Variants in TNR observed in about 807,000 individuals in gnomAD.
TNR encodes tenascin-R.
TNR carries 45 observed loss-of-function variants against 150.4 expected under a neutral mutation model. The observed-to-expected ratio is 0.30, with a 90% confidence interval of 0.24 to 0.38. The LOEUF is 0.38. TNR is among the 10% of genes least tolerant of loss of function. The probability of loss-of-function intolerance (pLI) is 1.00; values close to 1 mark genes in which losing one functional copy is unlikely to be tolerated. For synonymous variants in TNR, 687 were observed against 678.4 expected, an observed-to-expected ratio of 1.01 and a Z score of -0.20; for missense variants, 1,544 against 1,759.1, an observed-to-expected ratio of 0.88 and a Z score of 2.19.
chr1:175,600,627 C>T (rs1223285810), intron 1 of TNR, among the ~76,000 whole-genome samples: 1 of 152,180 alleles, frequency 6.6e-6, no homozygotes, highest in Non-Finnish European at 1.5e-5. Flanking sequence ...CACAAAGGTG[C>T]CCAGCTGAGG....
chr1:175,534,875 G>A (rs1660208353), intron 1 of TNR, among the ~76,000 whole-genome samples: 2 of 152,192 alleles, frequency 1.3e-5, no homozygotes, highest in Non-Finnish European at 2.9e-5. Context: ...CTCCATGGCT[G>A]CTGTTCTCAT....
chr1:175,735,207 C>T (rs1337102861), intron 1 of TNR, among the ~76,000 whole-genome samples: 1 of 152,196 alleles, frequency 6.6e-6, no homozygotes, highest in African/African-American at 2.4e-5. Context: ...TCTCTCCTCC[C>T]AGCACCTGGA....
At chr1:175,460,161 T>C (rs1356904795) in intron 2 of TNR, among the ~76,000 whole-genome samples, 3 of 151,940 alleles carry the variant, frequency 2.0e-5, no homozygotes, top group African/African-American at 7.3e-5. Flanking sequence ...TCAGTGAAGG[T>C]GTGAGAGGGG....
chr1:175,475,156 C>G (rs1229262462), intron 2 of TNR, among the ~76,000 whole-genome samples: 2 of 152,174 alleles, frequency 1.3e-5, no homozygotes, highest in Non-Finnish European at 2.9e-5. Context: ...CCTGACTCCT[C>G]CCTTCCCTCT....
At chr1:175,474,303 G>T (rs1442829164) in intron 2 of TNR, among the ~76,000 whole-genome samples, 1 of 152,078 alleles carries the variant, frequency 6.6e-6, no homozygotes, top group African/African-American at 2.4e-5. Context: ...AGGCCATTAG[G>T]GTGGGCCCTA....
chr1:175,353,507 T>G (rs918455188), intron 18 of TNR, among the ~76,000 whole-genome samples: 1 of 152,212 alleles, frequency 6.6e-6, no homozygotes, highest in African/African-American at 2.4e-5. Context: ...ACAGCTGCAT[T>G]TAGAAGTAGA....
At chr1:175,549,673 A>T (rs1292335000) in intron 1 of TNR, among the ~76,000 whole-genome samples, 1 of 152,234 alleles carries the variant, frequency 6.6e-6, no homozygotes, top group Non-Finnish European at 1.5e-5. Context: ...TGAAAGAAAT[A>T]CAATGCAAGA....
At chr1:175,619,294 T>A (rs1663883748) in intron 1 of TNR, among the ~76,000 whole-genome samples, 1 of 152,160 alleles carries the variant, frequency 6.6e-6, no homozygotes, top group Admixed American at 6.5e-5. Context: ...AAAAGGAACA[T>A]CTAGTATTTA....
At chr1:175,374,620 G>T (rs745702348) in intron 9 of TNR, among the ~76,000 whole-genome samples, 3 of 152,226 alleles carry the variant, frequency 2.0e-5, no homozygotes, top group Non-Finnish European at 2.9e-5. Context: ...GCAGTCCTAT[G>T]TTGTATCACA....
chr1:175,461,282 T>C (rs1401698969), intron 2 of TNR, among the ~76,000 whole-genome samples: 3 of 152,196 alleles, frequency 2.0e-5, no homozygotes, highest in Admixed American at 1.3e-4. Flanking sequence ...TTACTGGGAC[T>C]AAGATTTATA....
At chr1:175,396,500 T>C in intron 5 of TNR, 44 bp downstream of exon 5, 1 of 1,593,496 alleles carries the variant, frequency 6.3e-7, no homozygotes, top group Non-Finnish European at 8.6e-7. Context: ...TGATCTCATG[T>C]AGGAGAAAAG....
intron 2 of TNR, among the ~76,000 whole-genome samples, chr1:175,492,280 T>G (rs1226123677): frequency 1.3e-5 from 2 of 152,254 alleles, no homozygotes; most frequent in Admixed American, 1.3e-4. Flanking sequence ...AGTGATCAGA[T>G]TGCATGTCTC....
chr1:175,479,793 C>G (rs562229603), intron 2 of TNR, among the ~76,000 whole-genome samples: 1 of 152,008 alleles, frequency 6.6e-6, no homozygotes, highest in African/African-American at 2.4e-5. Flanking sequence ...TAGGTTCCTT[C>G]GAAAAACCTC....
intron 20 of TNR, among the ~76,000 whole-genome samples, chr1:175,332,086 G>C (rs1649965690): frequency 6.6e-6 from 1 of 152,178 alleles, no homozygotes; most frequent in Non-Finnish European, 1.5e-5. Flanking sequence ...CATCCCCCAG[G>C]CTGCTACAAG....
At chr1:175,632,678 C>T (rs1316061178) in intron 1 of TNR, among the ~76,000 whole-genome samples, 3 of 152,174 alleles carry the variant, frequency 2.0e-5, no homozygotes, top group Non-Finnish European at 4.4e-5. Context: ...ACCTATTTAG[C>T]ACTGTGTACC....
chr1:175,461,956 G>A (rs1445332653), intron 2 of TNR, among the ~76,000 whole-genome samples: 11 of 152,140 alleles, frequency 7.2e-5, no homozygotes, highest in Admixed American at 7.2e-4. Flanking sequence ...CGACCTTGGC[G>A]AACTACTTTC....
Position 175,403,430 on chromosome 1 carries a change from T to C in TNR, c.686A>G (p.Asp229Gly). ...CICDSEYSGD[D>G]CSELRCPTDC... ...TGTTGGGCACCGGAGTTCGGAACAG[T>C]CATCCCCGCTGTACTCGCTGTCACA... The change falls in exon 4 of 23, where the codon GAC (aspartate) becomes GGC (glycine). Residue 229 changes from aspartate (D) to glycine (G), a missense_variant. Coordinates refer to ENST00000367674, the MANE Select transcript of TNR (RefSeq NM_003285.3). 6.2e-7 allele frequency: 1 copy of C among 1,614,120 alleles called. No individual in the cohort carries two copies. Among genetic ancestry groups the C allele is most frequent in the Non-Finnish European group, 8.5e-7 (1 of 1,180,010 alleles).
At chr1:175,610,726 C>CT (rs1223341837) in intron 1 of TNR, among the ~76,000 whole-genome samples, 2 of 152,198 alleles carry the variant, frequency 1.3e-5, no homozygotes, top group Non-Finnish European at 2.9e-5. Context: ...GCAATAGCTC[C>CT]TTTTATCCCT....
intron 1 of TNR, among the ~76,000 whole-genome samples, chr1:175,611,373 C>T (rs763697363): frequency 1.5e-4 from 23 of 152,008 alleles, no homozygotes; most frequent in Non-Finnish European, 2.8e-4. Context: ...TGCTCTGTTG[C>T]CCAGCCTGGA....
Sources: gnomAD v4.1 joint callset for allele counts (sites outside exome capture counted in the v4.1 genomes callset) on GRCh38, gnomAD v4.1.1 for gene constraint, MANE v1.5 for transcripts, NCBI Gene and HGNC (gene_info 2026-07-23, HGNC 2026-07-21) for gene names.